SLIT2: variants seen among roughly 807,000 people sequenced by gnomAD.
The protein encoded by SLIT2 is slit homolog 2 protein.
A neutral mutation model predicts 185.7 loss-of-function variants in SLIT2; 41 were observed. The ratio of observed to expected loss-of-function variants is 0.22; its 90% CI spans 0.17 to 0.29. The LOEUF (loss-of-function observed/expected upper bound fraction) is 0.29. Among genes scored for constraint, SLIT2 ranks in the 10% least tolerant of loss-of-function variants. The pLI, the probability that SLIT2 is intolerant of heterozygous loss-of-function variation, is 1.00. For missense variants in SLIT2, 1,571 were observed against 1,909.0 expected (o/e 0.82, Z 3.30); for synonymous variants, 693 against 680.2 (o/e 1.02, Z -0.29).
chr4:20,474,115 A>G (rs922845392), intron 5 of SLIT2, among the ~76,000 whole-genome samples: 2 of 152,046 alleles, frequency 1.3e-5, no homozygotes, highest in African/African-American at 4.8e-5. Context: ...TCAGTGTGGT[A>G]TAGAACCTTC....
intron 4 of SLIT2, among the ~76,000 whole-genome samples, chr4:20,423,037 C>T (rs941758522): frequency 6.6e-6 from 1 of 152,034 alleles, no homozygotes; most frequent in African/African-American, 2.4e-5. Context: ...TCTATGACAT[C>T]GCTATCCCAA....
intron 4 of SLIT2, among the ~76,000 whole-genome samples, chr4:20,433,237 C>T (rs1418832479): frequency 1.3e-5 from 2 of 152,240 alleles, no homozygotes; most frequent in Non-Finnish European, 2.9e-5. Context: ...GTAGAGGAAA[C>T]AGTCGGCATT....
intron 9 of SLIT2, among the ~76,000 whole-genome samples, chr4:20,492,990 A>G (rs1717911435): frequency 6.6e-6 from 1 of 152,202 alleles, no homozygotes; most frequent in South Asian, 2.1e-4. Context: ...ACTGAATAAC[A>G]TATAAACATA....
chr4:20,592,160 T>A (rs918739083), intron 30 of SLIT2, among the ~76,000 whole-genome samples: 1 of 152,200 alleles, frequency 6.6e-6, no homozygotes, highest in African/African-American at 2.4e-5. Flanking sequence ...CTGACAAATG[T>A]TGTTTAGACA....
intron 4 of SLIT2, among the ~76,000 whole-genome samples, chr4:20,436,996 CAT>C (rs1729382555): frequency 1.3e-5 from 2 of 152,166 alleles, no homozygotes; most frequent in African/African-American, 4.8e-5. Flanking sequence ...AATGAGATAA[CAT>C]ATGTAAAACA....
At chr4:20,304,772 C>A (rs1717381733) in intron 4 of SLIT2, among the ~76,000 whole-genome samples, 1 of 152,118 alleles carries the variant, frequency 6.6e-6, no homozygotes, top group Non-Finnish European at 1.5e-5. Flanking sequence ...ATCCCCTCAC[C>A]CCCACCATAC....
intron 4 of SLIT2, among the ~76,000 whole-genome samples, chr4:20,408,351 C>T (rs1577596373): frequency 1.3e-5 from 2 of 152,228 alleles, no homozygotes; most frequent in South Asian, 4.1e-4. Flanking sequence ...GCCCCTAAGC[C>T]CTTGCCAAAC....
chr4:20,542,342 G>C (rs1253926885), intron 20 of SLIT2, 152 bp from the exon 21 acceptor site: 2 of 757,480 alleles, frequency 2.6e-6, no homozygotes, highest in South Asian at 1.8e-5. Flanking sequence ...AGAACTTACG[G>C]TATCAATTAG....
intron 26 of SLIT2, among the ~76,000 whole-genome samples, chr4:20,555,496 A>G (rs1724168934): frequency 6.6e-6 from 1 of 152,102 alleles, no homozygotes; most frequent in Admixed American, 6.5e-5. Context: ...TGTTAAGATT[A>G]GATAATATAG....
intron 26 of SLIT2, among the ~76,000 whole-genome samples, chr4:20,555,515 C>G (rs1160419861): frequency 6.6e-6 from 1 of 152,092 alleles, no homozygotes; most frequent in Non-Finnish European, 1.5e-5. Context: ...AGATAAAAGA[C>G]TGCCTCAAAC....
At chr4:20,339,051 C>T (rs1444608860) in intron 4 of SLIT2, among the ~76,000 whole-genome samples, 2 of 131,616 alleles carry the variant, frequency 1.5e-5, no homozygotes, top group Non-Finnish European at 3.1e-5. Flanking sequence ...TATGATCTCA[C>T]TGCTGTATTC....
At chr4:20,359,030 A>G (rs188417468) in intron 4 of SLIT2, among the ~76,000 whole-genome samples, 44 of 152,284 alleles carry the variant, frequency 2.9e-4, no homozygotes, top group Non-Finnish European at 4.4e-5. Context: ...AACTTCGAGA[A>G]TCGTTTCTTG....
intron 16 of SLIT2, among the ~76,000 whole-genome samples, chr4:20,530,323 G>T (rs1283888798): frequency 6.6e-6 from 1 of 151,604 alleles, no homozygotes; most frequent in African/African-American, 2.4e-5. Flanking sequence ...AGGCAGGAGT[G>T]CAGTGGCACA....
intron 4 of SLIT2, among the ~76,000 whole-genome samples, chr4:20,334,477 T>G (rs1720331284): frequency 6.6e-6 from 1 of 152,180 alleles, no homozygotes; most frequent in South Asian, 2.1e-4. Context: ...AATATAAAAC[T>G]AATTTTTAAA....
At chr4:20,347,368 G>A (rs1721513968) in intron 4 of SLIT2, among the ~76,000 whole-genome samples, 2 of 152,194 alleles carry the variant, frequency 1.3e-5, no homozygotes, top group Admixed American at 1.3e-4. Context: ...TAATTAAGAA[G>A]ACTGAATTCT....
chr4:20,532,686 G>T (rs1219042320), intron 17 of SLIT2, among the ~76,000 whole-genome samples: 2 of 152,172 alleles, frequency 1.3e-5, no homozygotes, highest in Non-Finnish European at 2.9e-5. Context: ...CTTTAGCTGT[G>T]TGTCCATATA....
chr4:20,541,666 T>A (rs1379112296), intron 20 of SLIT2, 47 bp downstream of exon 20: 1 of 1,486,516 alleles, frequency 6.7e-7, no homozygotes, highest in Admixed American at 1.7e-5. Flanking sequence ...TTCACATGCC[T>A]GTTCTGATGC....
intron 14 of SLIT2, 139 bp from the exon 15 acceptor site, chr4:20,525,010 G>A (rs530473517): frequency 4.5e-6 from 3 of 662,860 alleles, no homozygotes; most frequent in East Asian, 5.4e-5. Context: ...GTACATTATT[G>A]TACTTCAGTC....
intron 11 of SLIT2, among the ~76,000 whole-genome samples, chr4:20,518,034 A>T (rs1335921120): frequency 6.7e-6 from 1 of 150,042 alleles, no homozygotes; most frequent in Non-Finnish European, 1.5e-5. Context: ...ATGGCAAATC[A>T]TCTGCCATCT....
Sources: gnomAD v4.1 joint callset for allele counts (sites outside exome capture counted in the v4.1 genomes callset) on GRCh38, gnomAD v4.1.1 for gene constraint, MANE v1.5 for transcripts, NCBI Gene and HGNC (gene_info 2026-07-23, HGNC 2026-07-21) for gene names.